Variants in CCDC146 observed in about 807,000 individuals in gnomAD.
CCDC146 encodes the protein coiled-coil domain containing 146, also known as coiled-coil domain-containing protein 146.
CCDC146 carries 92 observed loss-of-function variants against 119.3 expected under a neutral mutation model. That is an observed-to-expected ratio of 0.77 (90% CI 0.65 to 0.92). CCDC146 has a LOEUF of 0.92. Among genes scored for constraint, CCDC146 ranks in the 40% least tolerant of loss-of-function variants. The pLI, the probability that CCDC146 is intolerant of heterozygous loss-of-function variation, is 0.00. For synonymous variants in CCDC146, 372 were observed against 371.8 expected (o/e 1.00, Z -0.01); for missense variants, 1,000 against 1,103.0 (o/e 0.91, Z 1.32).
At chr7:77,220,282 C>G (rs1441954846) in intron 2 of CCDC146, among the ~76,000 whole-genome samples, 2 of 152,334 alleles carry the variant, frequency 1.3e-5, no homozygotes, top group African/African-American at 4.8e-5. Flanking sequence ...AGAAATATGA[C>G]TCTTCTGCCT....
chr7:77,289,011 C>G (rs1463672311), intron 17 of CCDC146, among the ~76,000 whole-genome samples: 2 of 151,946 alleles, frequency 1.3e-5, no homozygotes, highest in Admixed American at 6.6e-5. Flanking sequence ...TGATGACTTC[C>G]ATGACTAGAC....
At chr7:77,199,080 C>G (rs1791929206) in intron 2 of CCDC146, 1 of 978,908 alleles carries the variant, frequency 1.0e-6, no homozygotes, top group Admixed American at 2.3e-5. Context: ...AAGACTTAAT[C>G]TGTCATCTAT....
chr7:77,234,651 C>G (rs1792699437), intron 2 of CCDC146, among the ~76,000 whole-genome samples: 1 of 152,022 alleles, frequency 6.6e-6, no homozygotes, highest in African/African-American at 2.4e-5. Context: ...AGGAGAATTG[C>G]TAGAACCCGG....
At chr7:77,127,566 A>G (rs1167940361) in intron 1 of CCDC146, among the ~76,000 whole-genome samples, 1 of 152,098 alleles carries the variant, frequency 6.6e-6, no homozygotes, top group Non-Finnish European at 1.5e-5. Flanking sequence ...GTATTCTTTC[A>G]TGTCTTTTTC....
intron 18 of CCDC146, among the ~76,000 whole-genome samples, 198 bp from the exon 19 acceptor site, chr7:77,294,465 T>G (rs80018301): frequency 0.13 from 7,085 of 55,292 alleles, 224 homozygotes; most frequent in Non-Finnish European, 0.18. Flanking sequence ...GAGAGGTAGG[T>G]GTGTGTGTGT....
At chr7:77,131,938 G>A (rs1244916558) in intron 1 of CCDC146, among the ~76,000 whole-genome samples, 1 of 152,148 alleles carries the variant, frequency 6.6e-6, no homozygotes, top group East Asian at 1.9e-4. Context: ...ATTTACTTTG[G>A]GCCAAGGGAA....
intron 9 of CCDC146, among the ~76,000 whole-genome samples, chr7:77,262,601 G>A (rs1793321912): frequency 6.6e-6 from 1 of 152,220 alleles, no homozygotes; most frequent in East Asian, 1.9e-4. Context: ...AGGGTTCACT[G>A]CAGAATGGGG....
chr7:77,208,719 G>T (rs960883295), intron 2 of CCDC146, among the ~76,000 whole-genome samples: 1 of 152,056 alleles, frequency 6.6e-6, no homozygotes, highest in African/African-American at 2.4e-5. Context: ...ATACAAATCA[G>T]AAAAATGAAG....
At chr7:77,272,265 G>A (rs1184637990) in intron 9 of CCDC146, among the ~76,000 whole-genome samples, 5 of 152,138 alleles carry the variant, frequency 3.3e-5, no homozygotes, top group Admixed American at 6.6e-5. Context: ...ACCACATCTC[G>A]TTTTCCTAAG....
At chr7:77,258,459 A>T (rs1004241358) in intron 6 of CCDC146, among the ~76,000 whole-genome samples, 1 of 152,198 alleles carries the variant, frequency 6.6e-6, no homozygotes, top group Non-Finnish European at 1.5e-5. Context: ...TCAAGTACCC[A>T]TGCAACCATT....
intron 3 of CCDC146, among the ~76,000 whole-genome samples, chr7:77,240,083 G>A (rs944023374): frequency 2.0e-4 from 31 of 152,290 alleles, no homozygotes; most frequent in Middle Eastern, 3.4e-3. Context: ...TTCACTAAGT[G>A]GGGAGAGATT....
rs751894359 is a variant in CCDC146 at position 77,272,541 on chromosome 7, A to AGT, written c.1174-1147_1174-1146dup. ...CCATTATTCAACCTTAGGGCCTACA[A>AGT]GTGTGTGCTGTCACAGTAGGAACTG... is the stretch of plus-strand genomic sequence containing the variant. On this transcript the variant is annotated intron_variant, in intron 9 of 18. Transcript: ENST00000285871. Among the ~76,000 whole-genome samples, 5 of 152,190 alleles carry AGT rather than the reference A, an allele frequency of 3.3e-5. No homozygotes were observed. The East Asian group carries it at 5.8e-4, about 18-fold the overall frequency.
At chr7:77,133,689 G>T (rs1444806789) in intron 1 of CCDC146, among the ~76,000 whole-genome samples, 4 of 138,492 alleles carry the variant, frequency 2.9e-5, no homozygotes, top group Non-Finnish European at 3.1e-5. Context: ...ATTCAGCATC[G>T]TACTGGAGGT....
intron 2 of CCDC146, among the ~76,000 whole-genome samples, chr7:77,225,415 T>A (rs1054377637): frequency 6.6e-6 from 1 of 151,928 alleles, no homozygotes; most frequent in African/African-American, 2.4e-5. Flanking sequence ...TAGCGGGGCA[T>A]GGTGATGCAC....
intron 2 of CCDC146, among the ~76,000 whole-genome samples, chr7:77,179,302 C>T (rs1791545396): frequency 6.6e-6 from 1 of 151,942 alleles, no homozygotes; most frequent in South Asian, 2.1e-4. Context: ...ATACATAGTA[C>T]AAAATCCAGA....
At chr7:77,177,245 G>A (rs943802903) in intron 2 of CCDC146, among the ~76,000 whole-genome samples, 2 of 151,996 alleles carry the variant, frequency 1.3e-5, no homozygotes, top group African/African-American at 4.8e-5. Context: ...AGCTTCTTGA[G>A]ATAATCCCTA....
At chr7:77,165,741 G>T (rs1242206826) in intron 1 of CCDC146, among the ~76,000 whole-genome samples, 1 of 152,186 alleles carries the variant, frequency 6.6e-6, no homozygotes, top group African/African-American at 2.4e-5. Context: ...TGTGGTATCT[G>T]CACATATAAT....
chr7:77,192,647 G>A (rs964816370), intron 2 of CCDC146, among the ~76,000 whole-genome samples: 1 of 152,162 alleles, frequency 6.6e-6, no homozygotes, highest in Non-Finnish European at 1.5e-5. Context: ...ATTGTTGGCC[G>A]GGCACGGTGG....
intron 1 of CCDC146, among the ~76,000 whole-genome samples, chr7:77,152,511 G>T (rs1287532214): frequency 6.6e-6 from 1 of 152,196 alleles, no homozygotes; most frequent in Non-Finnish European, 1.5e-5. Flanking sequence ...ATTATCTAAA[G>T]TGGTTCTTCC....
Sources: allele counts gnomAD v4.1 joint callset (sites outside exome capture counted in the v4.1 genomes callset), GRCh38; gene constraint gnomAD v4.1.1; transcripts MANE v1.5; gene names NCBI Gene and HGNC (gene_info 2026-07-23, HGNC 2026-07-21).